LARGE1: variants seen among roughly 807,000 people sequenced by gnomAD.
LARGE1 encodes xylosyl- and glucuronyltransferase LARGE1.
Under a neutral mutation model 87.6 loss-of-function variants are expected in LARGE1, and 43 were observed. The ratio of observed to expected loss-of-function variants is 0.49; its 90% CI spans 0.38 to 0.63. The LOEUF (loss-of-function observed/expected upper bound fraction) is 0.63. Among genes scored for constraint, LARGE1 ranks in the 30% least tolerant of loss-of-function variants. LARGE1 has a pLI of 0.00. For synonymous variants in LARGE1, 434 were observed against 394.6 expected (o/e 1.10, Z -1.18); for missense variants, 802 against 1,000.2 (o/e 0.80, Z 2.67).
At chr22:33,229,456 T>G (rs187376141) in intron 11 of LARGE1, among the ~76,000 whole-genome samples, 27 of 152,078 alleles carry the variant, frequency 1.8e-4, no homozygotes, top group Non-Finnish European at 1.5e-5. Context: ...TATGAATATT[T>G]TAAAAATAAA....
chr22:33,363,182 G>C (rs2064449700), intron 9 of LARGE1, among the ~76,000 whole-genome samples: 1 of 149,914 alleles, frequency 6.7e-6, no homozygotes, highest in Admixed American at 6.6e-5. Flanking sequence ...GTCTACAGTA[G>C]TATCTGCACA....
intron 7 of LARGE1, among the ~76,000 whole-genome samples, chr22:33,398,870 G>A (rs1419640479): frequency 6.6e-6 from 1 of 152,150 alleles, no homozygotes; most frequent in African/African-American, 2.4e-5. Flanking sequence ...AAGAGGCAAG[G>A]AAGAATCAGA....
intron 2 of LARGE1, among the ~76,000 whole-genome samples, chr22:33,686,350 G>A (rs937156711): frequency 2.6e-5 from 4 of 151,840 alleles, no homozygotes; most frequent in African/African-American, 9.7e-5. Context: ...AGACCAGACT[G>A]GCCAACATGG....
chr22:33,213,236 G>A (rs1925047199), intron 11 of LARGE1, among the ~76,000 whole-genome samples: 1 of 152,194 alleles, frequency 6.6e-6, no homozygotes, highest in African/African-American at 2.4e-5. Context: ...AATAAAGCTT[G>A]AATGGATAAC....
chr22:33,354,948 A>G (rs955146003), intron 9 of LARGE1, among the ~76,000 whole-genome samples: 5 of 152,258 alleles, frequency 3.3e-5, no homozygotes, highest in Non-Finnish European at 7.3e-5. Flanking sequence ...TTTTCATAAG[A>G]GCAAAAGGGT....
At chr22:33,304,587 TC>T (rs1934620626) in intron 11 of LARGE1, 80 bp from the exon 12 acceptor site, 2 of 1,402,434 alleles carry the variant, frequency 1.4e-6, no homozygotes, top group Admixed American at 4.6e-5. Context: ...GGGCTCTGCC[TC>T]CAGTGACACT....
intron 11 of LARGE1, among the ~76,000 whole-genome samples, chr22:33,237,572 TAATAAGAAATAG>T (rs1291554320): frequency 6.6e-6 from 1 of 151,190 alleles, no homozygotes; most frequent in Non-Finnish European, 1.5e-5. Context: ...ATGAACAAAG[TAATAAGAAATAG>T]AAATACTGTA....
intron 12 of LARGE1, among the ~76,000 whole-genome samples, chr22:33,290,178 A>G (rs1017407238): frequency 6.6e-6 from 1 of 151,968 alleles, no homozygotes; most frequent in Admixed American, 6.6e-5. Context: ...CCTCCATCTC[A>G]TTCTCTCTTT....
At chr22:33,087,141 A>G in the LARGE1 span, among the ~76,000 whole-genome samples, 1 of 152,112 alleles carries the variant, frequency 6.6e-6, no homozygotes, top group Non-Finnish European at 1.5e-5. Flanking sequence ...CATTCATTGT[A>G]AAGTTTACAA....
At chr22:33,472,331 A>C (rs988948049) in intron 6 of LARGE1, among the ~76,000 whole-genome samples, 8 of 152,206 alleles carry the variant, frequency 5.3e-5, no homozygotes, top group African/African-American at 1.9e-4. Flanking sequence ...AGAGAGAGAC[A>C]GGCATGCAGA....
chr22:33,768,381 CATT>C, intron 1 of LARGE1, among the ~76,000 whole-genome samples: 1 of 151,960 alleles, frequency 6.6e-6, no homozygotes, highest in Non-Finnish European at 1.5e-5. Flanking sequence ...ATATTACTGT[CATT>C]ATTATTTTCC....
At chr22:33,253,472 G>A (rs1164291141) in intron 11 of LARGE1, among the ~76,000 whole-genome samples, 3 of 152,160 alleles carry the variant, frequency 2.0e-5, no homozygotes, top group Admixed American at 2.0e-4. Context: ...AGCACTTTGG[G>A]AGGCCCAGGT....
chr22:33,616,117 T>A (rs914312900), intron 4 of LARGE1, among the ~76,000 whole-genome samples: 2 of 151,984 alleles, frequency 1.3e-5, no homozygotes, highest in Non-Finnish European at 2.9e-5. Context: ...TCTCAAAAAA[T>A]TAAGCATAAA....
At chr22:33,233,194 C>A (rs192510838) in intron 11 of LARGE1, among the ~76,000 whole-genome samples, 34 of 152,046 alleles carry the variant, frequency 2.2e-4, no homozygotes, top group African/African-American at 7.7e-4. Context: ...AGAGAGAGAA[C>A]AGAATGAGTG....
At chr22:33,082,791 T>G in the LARGE1 span, among the ~76,000 whole-genome samples, 1 of 152,130 alleles carries the variant, frequency 6.6e-6, no homozygotes, top group Non-Finnish European at 1.5e-5. Context: ...CTTGGGAGGC[T>G]GAGGTGGGTG....
At chr22:33,111,929 C>G in the LARGE1 span, among the ~76,000 whole-genome samples, 1 of 152,084 alleles carries the variant, frequency 6.6e-6, no homozygotes, top group African/African-American at 2.4e-5. Context: ...AGGGAACAGA[C>G]AGTGGAAGGC....
At chr22:33,203,444 G>C (rs1924514715) in intron 11 of LARGE1, among the ~76,000 whole-genome samples, 2 of 152,138 alleles carry the variant, frequency 1.3e-5, no homozygotes, top group Non-Finnish European at 2.9e-5. Context: ...CCACTGAGCG[G>C]TGATCCTTTC....
intron 1 of LARGE1, among the ~76,000 whole-genome samples, chr22:33,792,128 A>C (rs1909463761): frequency 1.3e-5 from 2 of 152,210 alleles, no homozygotes; most frequent in South Asian, 4.1e-4. Flanking sequence ...CTATGGCCAC[A>C]GACAACCTAG....
chr22:33,493,250 T>C (rs1217057109), intron 6 of LARGE1, among the ~76,000 whole-genome samples: 4 of 139,766 alleles, frequency 2.9e-5, no homozygotes, highest in Non-Finnish European at 6.0e-5. Context: ...AACCTTCACC[T>C]CCCGGGTTCA....
Sources: allele counts gnomAD v4.1 joint callset (sites outside exome capture counted in the v4.1 genomes callset), GRCh38; gene constraint gnomAD v4.1.1; transcripts MANE v1.5; gene names NCBI Gene and HGNC (gene_info 2026-07-23, HGNC 2026-07-21).